PRORP: variants seen among roughly 807,000 people sequenced by gnomAD.
PRORP encodes protein only RNase P catalytic subunit, also known as mitochondrial ribonuclease P catalytic subunit.
In PRORP, 51 loss-of-function variants were observed where a neutral mutation model predicts 59.4. That is an observed-to-expected ratio of 0.86 (90% confidence interval 0.69 to 1.08). The LOEUF (loss-of-function observed/expected upper bound fraction) is 1.08. Among genes scored for constraint, PRORP ranks in the 50% least tolerant of loss-of-function variants. The pLI, the probability that PRORP is intolerant of heterozygous loss-of-function variation, is 0.00. For missense variants in PRORP, 646 were observed against 690.3 expected (o/e 0.94, Z 0.72); for synonymous variants, 231 against 245.6 (o/e 0.94, Z 0.55).
At chr14:35,243,552 T>G (rs1449053594) in intron 5 of PRORP, among the ~76,000 whole-genome samples, 2 of 149,122 alleles carry the variant, frequency 1.3e-5, no homozygotes, top group African/African-American at 2.5e-5. Flanking sequence ...AAAAAAAGAA[T>G]AAGGGACAGG....
At chr14:35,225,834 C>T (rs78594743) in intron 5 of PRORP, among the ~76,000 whole-genome samples, 9,266 of 151,952 alleles carry the variant, frequency 0.061, 370 homozygotes, top group Middle Eastern at 0.11. Context: ...ATTGCTTGAG[C>T]TTAGGAGTTC....
chr14:35,138,404 G>A (rs1366989887), intron 4 of PRORP, among the ~76,000 whole-genome samples: 1 of 145,448 alleles, frequency 6.9e-6, no homozygotes, highest in Non-Finnish European at 1.5e-5. Context: ...ATTATATTCA[G>A]CATTTTAAAT....
chr14:35,253,375 AAAG>A (rs1312954343), intron 5 of PRORP, among the ~76,000 whole-genome samples: 6 of 148,178 alleles, frequency 4.0e-5, no homozygotes, highest in Non-Finnish European at 7.4e-5. Flanking sequence ...GAAAGAAAGA[AAAG>A]AAAGAAAGAA....
rs1595179173 is a variant in PRORP, at chr14:35,142,658, A to C, written c.1167+15047A>C. On this transcript the variant is annotated intron_variant, in intron 4 of 7. Coordinates refer to ENST00000534898, the MANE Select transcript of PRORP (RefSeq NM_014672.4). Reference sequence around the variant, plus strand: ...GAAGTTTGAGACTAGCCTGGACAACATGGCAAAACCCGTTCTCTAATAAAA... The same window carrying C: ...GAAGTTTGAGACTAGCCTGGACAACCTGGCAAAACCCGTTCTCTAATAAAA... Among the ~76,000 whole-genome samples the C allele has an allele frequency of 1.4e-5, 2 of 144,508 alleles. 1 individual carries two copies. The highest frequency in any genetic ancestry group is 4.7e-4 in the East Asian group (2 of 4,262). The allele number at this position is 144,508 out of a possible 152,430, so 94.8% of individuals were successfully genotyped here. A position where few individuals can be genotyped will look rare whatever the true frequency, so the allele number is the denominator to read the frequency against.
chr14:35,156,020 A>C (rs1384223079), intron 4 of PRORP, among the ~76,000 whole-genome samples: 1 of 152,026 alleles, frequency 6.6e-6, no homozygotes, highest in African/African-American at 2.4e-5. Context: ...GGGTTAGGGG[A>C]GGAGTTTGAA....
At chr14:35,160,985 A>G (rs1241202152) in intron 4 of PRORP, among the ~76,000 whole-genome samples, 1 of 152,166 alleles carries the variant, frequency 6.6e-6, no homozygotes, top group East Asian at 1.9e-4. Flanking sequence ...CCTGGAAACA[A>G]CTGAAATGTA....
intron 4 of PRORP, among the ~76,000 whole-genome samples, chr14:35,151,273 T>G (rs758324601): frequency 9.9e-5 from 15 of 152,108 alleles, no homozygotes; most frequent in Non-Finnish European, 2.2e-4. Flanking sequence ...TCATTTGGTC[T>G]TCTTAGAGAA....
intron 4 of PRORP, among the ~76,000 whole-genome samples, chr14:35,137,438 G>T (rs2047399940): frequency 6.9e-6 from 1 of 144,916 alleles, no homozygotes; most frequent in African/African-American, 2.4e-5. Context: ...TGATAAATTG[G>T]TAGAAAGAGG....
chr14:35,156,864 T>C (rs1014166912), intron 4 of PRORP, among the ~76,000 whole-genome samples: 1 of 152,210 alleles, frequency 6.6e-6, no homozygotes, highest in African/African-American at 2.4e-5. Context: ...TAGACTTAGG[T>C]GAAAGTTCCT....
At chr14:35,139,841 C>A (rs981780089) in intron 4 of PRORP, among the ~76,000 whole-genome samples, 1 of 145,518 alleles carries the variant, frequency 6.9e-6, no homozygotes, top group African/African-American at 2.5e-5. Flanking sequence ...AGGTCATGCT[C>A]CTTTTGAAGG....
chr14:35,243,864 T>C (rs2050420585), intron 5 of PRORP, among the ~76,000 whole-genome samples: 1 of 152,192 alleles, frequency 6.6e-6, no homozygotes, highest in African/African-American at 2.4e-5. Flanking sequence ...AAAGTACTTT[T>C]GACATATCAT....
chr14:35,183,904 T>C lies in PRORP; in HGVS notation c.1275+3127T>C, dbSNP rs191426426. 2.6e-4 allele frequency among the ~76,000 whole-genome samples: 39 copies of C among 152,290 alleles called. No homozygotes were observed. The East Asian group carries it at 2.9e-3, about 11-fold the overall frequency. On this transcript the variant is annotated intron_variant, in intron 5 of 7. Transcript: ENST00000534898. ...CAGAAAGGGAATATTCTTCACTGTC[T>C]TTTCTGTCTTCCTTATCTTTCTCTT...
chr14:35,179,811 T>A (rs1226485187), intron 4 of PRORP, among the ~76,000 whole-genome samples: 1 of 152,250 alleles, frequency 6.6e-6, no homozygotes, highest in Non-Finnish European at 1.5e-5. Flanking sequence ...AGAGGTGCTC[T>A]GATTTTTAGA....
intron 5 of PRORP, among the ~76,000 whole-genome samples, chr14:35,224,822 T>C (rs1241307508): frequency 6.6e-6 from 1 of 152,226 alleles, no homozygotes; most frequent in African/African-American, 2.4e-5. Context: ...TCCCACCTAT[T>C]TCCTAGGATT....
chr14:35,184,065 C>T (rs1375316678), intron 5 of PRORP, among the ~76,000 whole-genome samples: 1 of 151,812 alleles, frequency 6.6e-6, no homozygotes, highest in Non-Finnish European at 1.5e-5. Context: ...TTATGCTCTT[C>T]CTATAAACTC....
At chr14:35,180,627 T>C in intron 4 of PRORP, 43 bp from the exon 5 acceptor site, 1 of 1,218,708 alleles carries the variant, frequency 8.2e-7, no homozygotes, top group Non-Finnish European at 1.2e-6. Context: ...ATAAAGTCCT[T>C]ACTGAGTTCT....
chr14:35,266,787 A>C lies in PRORP; in HGVS notation c.1336A>C (p.Lys446Gln). 6.2e-7 allele frequency: 1 copy of C among 1,614,162 alleles called. No homozygotes were observed. The highest frequency in any genetic ancestry group is 8.5e-7 in the Non-Finnish European group (1 of 1,180,030). The change falls in exon 6 of 8, where the codon AAG becomes CAG. Residue 446 changes from lysine to glutamine, a missense_variant. By Grantham distance (53) the Lys-to-Gln change is moderately conservative. Transcript: ENST00000534898. Reference sequence around the variant, plus strand: ...TCTGCGACTGCTGGTCCTAGGCCGGAAGCACATGCTAAGACGGAGTTCCCA... The same window carrying C: ...TCTGCGACTGCTGGTCCTAGGCCGGCAGCACATGCTAAGACGGAGTTCCCA... ...RNLRLLVLGR[K>Q]HMLRRSSQWS... is the part of the protein sequence containing the mutation.
At chr14:35,273,200 G>A (rs536134164) in intron 7 of PRORP, among the ~76,000 whole-genome samples, 10 of 152,304 alleles carry the variant, frequency 6.6e-5, no homozygotes, top group Non-Finnish European at 1.3e-4. Context: ...TTACATAAAT[G>A]TAATGCTTCT....
intron 5 of PRORP, among the ~76,000 whole-genome samples, chr14:35,258,964 A>G (rs1180239710): frequency 6.6e-6 from 1 of 152,160 alleles, no homozygotes; most frequent in Non-Finnish European, 1.5e-5. Context: ...TAGCCTTCCA[A>G]TTCATGAACC....
Sources: gnomAD v4.1 joint callset for allele counts (sites outside exome capture counted in the v4.1 genomes callset) on GRCh38, gnomAD v4.1.1 for gene constraint, MANE v1.5 for transcripts, NCBI Gene and HGNC (gene_info 2026-07-23, HGNC 2026-07-21) for gene names.